The following CD38 variants were observed in gnomAD, a reference collection of about 807,000 sequenced individuals.
The protein encoded by CD38 is CD38 molecule.
Under a neutral mutation model 36.3 loss-of-function variants are expected in CD38, and 31 were observed. That is an observed-to-expected ratio of 0.85 (90% CI 0.64 to 1.15). CD38 has a LOEUF of 1.15. Ranked by LOEUF, CD38 falls within the 50% of genes most tolerant of loss-of-function variation. CD38 has a pLI of 0.00. For missense variants in CD38, 380 were observed against 371.9 expected, an observed-to-expected ratio of 1.02 and a Z score of -0.18; for synonymous variants, 131 against 135.2, an observed-to-expected ratio of 0.97 and a Z score of 0.22.
intron 1 of CD38, among the ~76,000 whole-genome samples, chr4:15,783,714 C>A (rs992645415): frequency 6.6e-6 from 1 of 152,222 alleles, no homozygotes; most frequent in Non-Finnish European, 1.5e-5. Flanking sequence ...ATGATCACTT[C>A]TGTGCCCACA....
At chr4:15,831,300 A>G (rs934624880) in intron 3 of CD38, among the ~76,000 whole-genome samples, 5 of 152,168 alleles carry the variant, frequency 3.3e-5, no homozygotes, top group African/African-American at 1.2e-4. Flanking sequence ...TACTTAAGAC[A>G]AGAGTAGTTT....
At chr4:15,789,933 C>T (rs1033618096) in intron 1 of CD38, among the ~76,000 whole-genome samples, 3 of 152,176 alleles carry the variant, frequency 2.0e-5, no homozygotes, top group African/African-American at 7.2e-5. Context: ...TACCCAGCTT[C>T]AGGTATTCTG....
intron 1 of CD38, among the ~76,000 whole-genome samples, chr4:15,805,218 T>TA (rs1723315263): frequency 1.3e-5 from 2 of 152,206 alleles, no homozygotes; most frequent in Non-Finnish European, 2.9e-5. Flanking sequence ...TAAAAACTTT[T>TA]AAAAAACAAA....
At chr4:15,802,431 A>G (rs1723246735) in intron 1 of CD38, among the ~76,000 whole-genome samples, 1 of 152,068 alleles carries the variant, frequency 6.6e-6, no homozygotes, top group Admixed American at 6.5e-5. Context: ...GAAATGGAAA[A>G]AAAGATTCTT....
At position 15,850,654 on chromosome 4, in the gene CD38, C is replaced by G. The variant is rs1230453920; in HGVS notation, c.*2052C>G. The G allele has an allele frequency of 1.3e-5, 2 of 152,246 alleles. No individual in the cohort carries two copies. The highest frequency in any genetic ancestry group is 2.9e-5 in the Non-Finnish European group (2 of 68,110). 9.4% of individuals were successfully genotyped at this position (152,246 alleles called of 1,614,324 possible). A position where few individuals can be genotyped will look rare whatever the true frequency, so the allele number is the denominator to read the frequency against. ...TTGACAATCCAGTTTCCCACAGGAG[C>G]CTTTGTAGCTGTAGCCACCATGGTC... On this transcript the variant is annotated 3_prime_UTR_variant, in exon 8 of 8. Coordinates refer to ENST00000226279, the MANE Select transcript of CD38 (RefSeq NM_001775.4).
chr4:15,805,817 C>T (rs904467065), intron 1 of CD38, among the ~76,000 whole-genome samples: 8 of 152,212 alleles, frequency 5.3e-5, no homozygotes, highest in African/African-American at 1.9e-4. Flanking sequence ...TCTTTACCTT[C>T]AACACAGGTT....
At chr4:15,813,834 T>C (rs1723526672) in intron 1 of CD38, among the ~76,000 whole-genome samples, 1 of 152,256 alleles carries the variant, frequency 6.6e-6, no homozygotes, top group South Asian at 2.1e-4. Flanking sequence ...ACATTTTCTT[T>C]ATTCAGTCCA....
rs1165839826 is a variant in CD38 at position 15,837,990 on chromosome 4, A to G, written c.586-102A>G. ...TTCCTGGGCTAAAACCATATGGGAT[A>G]TCCTTCCTTAACCAGCTATTGCTAA... On this transcript the variant is annotated intron_variant, in intron 4 of 7. Coordinates refer to ENST00000226279, the MANE Select transcript of CD38 (RefSeq NM_001775.4). 12 of 897,800 alleles carry G rather than the reference A, an allele frequency of 1.3e-5. No homozygotes were observed. In the East Asian group the frequency reaches 2.0e-4, roughly 15 times the overall value. The allele number at this position is 897,800 out of a possible 1,614,324, so 55.6% of individuals were successfully genotyped here.
At chr4:15,830,986 G>A (rs1420805241) in intron 3 of CD38, among the ~76,000 whole-genome samples, 1 of 151,922 alleles carries the variant, frequency 6.6e-6, no homozygotes, top group Non-Finnish European at 1.5e-5. Flanking sequence ...TTTCAGTGGA[G>A]GTGATTTTTT....
Position 15,778,373 on chromosome 4 carries a change from T to C in CD38, c.-42T>C, listed in dbSNP as rs761582005. On this transcript the variant is annotated 5_prime_UTR_variant, in exon 1 of 8. Transcript: ENST00000226279. This position sits in a 1 kb window ranked among gnomAD's most constrained non-coding sequence, Gnocchi z 4.9. ...GCCTCTCTCTTGCTGCCTAGCCTCC[T>C]GCCGGCCTCATCTTCGCCCAGCCAA... The C allele has an allele frequency of 5.1e-6, 7 of 1,369,878 alleles. No individual in the cohort carries two copies. The highest frequency in any genetic ancestry group is 7.3e-6 in the Non-Finnish European group (7 of 960,306). The allele number at this position is 1,369,878 out of a possible 1,614,324, so 84.9% of individuals were successfully genotyped here. A position where few individuals can be genotyped will look rare whatever the true frequency, so the allele number is the denominator to read the frequency against.
chr4:15,838,541 G>A (rs1308558854), intron 5 of CD38, among the ~76,000 whole-genome samples: 1 of 152,030 alleles, frequency 6.6e-6, no homozygotes, highest in Non-Finnish European at 1.5e-5. Flanking sequence ...GCTCCCTTCT[G>A]TCTAAATCTT....
intron 2 of CD38, among the ~76,000 whole-genome samples, chr4:15,820,839 C>G (rs72616179): frequency 0.059 from 8,963 of 152,238 alleles, 366 homozygotes; most frequent in East Asian, 0.18. Flanking sequence ...TCAAGTGGAC[C>G]TGATGGATAT....
intron 1 of CD38, among the ~76,000 whole-genome samples, chr4:15,783,926 A>T (rs1722752154): frequency 6.6e-6 from 1 of 152,204 alleles, no homozygotes; most frequent in African/African-American, 2.4e-5. Flanking sequence ...AATTTATGCA[A>T]ACACTTAGCA....
intron 1 of CD38, among the ~76,000 whole-genome samples, chr4:15,790,401 C>T (rs1415271764): frequency 2.0e-5 from 3 of 152,050 alleles, no homozygotes; most frequent in African/African-American, 7.2e-5. Flanking sequence ...TGGTCTCCAG[C>T]TCCTGACCGC....
In CD38 at chr4:15,800,485, A is replaced by T. The variant is rs557234895; in HGVS notation, c.234-16026A>T. On this transcript the variant is annotated intron_variant, in intron 1 of 7. Transcript: ENST00000226279. ...ACATTTGGTATTGTCAGACTTTTAAATTTTAGCCATCTAAAAATTTATAGT... is the reference window on the plus strand; with the variant it reads ...ACATTTGGTATTGTCAGACTTTTAATTTTTAGCCATCTAAAAATTTATAGT... Among the ~76,000 whole-genome samples, 3 of 152,338 alleles carry T rather than the reference A, an allele frequency of 2.0e-5. No homozygotes were observed. The South Asian group carries it at 6.2e-4, about 32-fold the overall frequency.
At chr4:15,796,174 A>C (rs1723100660) in intron 1 of CD38, among the ~76,000 whole-genome samples, 2 of 152,108 alleles carry the variant, frequency 1.3e-5, no homozygotes, top group South Asian at 4.1e-4. Context: ...GAGAGATTTA[A>C]AACCACAAAA....
At chr4:15,820,418 A>G (rs1723706802) in intron 2 of CD38, among the ~76,000 whole-genome samples, 1 of 152,100 alleles carries the variant, frequency 6.6e-6, no homozygotes, top group Non-Finnish European at 1.5e-5. Flanking sequence ...AGTCAAGATC[A>G]ATTGGTGTGC....
At chr4:15,824,842 A>C (rs570958309) in intron 2 of CD38, 39 bp from the exon 3 acceptor site, 1 of 1,541,986 alleles carries the variant, frequency 6.5e-7, no homozygotes, top group East Asian at 2.3e-5. Flanking sequence ...TGACATGCTA[A>C]ATTGATCTCA....
At chr4:15,817,890 C>T (rs1723635842) in intron 2 of CD38, among the ~76,000 whole-genome samples, 1 of 152,060 alleles carries the variant, frequency 6.6e-6, no homozygotes, top group Non-Finnish European at 1.5e-5. Flanking sequence ...GTGTCTACAC[C>T]ACCAGGGCCC....
Sources: gnomAD v4.1 joint callset for allele counts (sites outside exome capture counted in the v4.1 genomes callset) on GRCh38, gnomAD v4.1.1 for gene constraint, Gnocchi (gnomAD v3.1) non-coding constraint, MANE v1.5 for transcripts, NCBI Gene and HGNC (gene_info 2026-07-23, HGNC 2026-07-21) for gene names.